CTNNA3: variants seen among roughly 807,000 people sequenced by gnomAD.
The protein encoded by CTNNA3 is catenin alpha-3.
In CTNNA3, 76 loss-of-function variants were observed where a neutral mutation model predicts 95.7. The observed-to-expected ratio is 0.79, with a 90% CI of 0.66 to 0.96. The LOEUF is 0.96. Among genes scored for constraint, CTNNA3 ranks in the 40% least tolerant of loss-of-function variants. The pLI, the probability that CTNNA3 is intolerant of heterozygous loss-of-function variation, is 0.00. For missense variants in CTNNA3, 1,191 were observed against 1,089.8 expected (o/e 1.09, Z -1.31); for synonymous variants, 431 against 374.4 (o/e 1.15, Z -1.74).
At chr10:67,124,788 CATA>C (rs1254747925) in intron 7 of CTNNA3, among the ~76,000 whole-genome samples, 1 of 152,184 alleles carries the variant, frequency 6.6e-6, no homozygotes, top group East Asian at 1.9e-4. Flanking sequence ...TTTTTCTTCA[CATA>C]ATGTCACAAA....
At chr10:66,465,114 A>T (rs2075905149) in intron 11 of CTNNA3, among the ~76,000 whole-genome samples, 1 of 152,150 alleles carries the variant, frequency 6.6e-6, no homozygotes, top group Non-Finnish European at 1.5e-5. Flanking sequence ...TACCACAAAT[A>T]AATTGCCTGT....
intron 3 of CTNNA3, among the ~76,000 whole-genome samples, chr10:67,604,819 G>A (rs1233824178): frequency 6.6e-6 from 1 of 152,238 alleles, no homozygotes; most frequent in Non-Finnish European, 1.5e-5. Flanking sequence ...CAAGGACAAA[G>A]AGAGGGTCTC....
Position 67,153,994 on chromosome 10 carries a change from T to C in CTNNA3, c.1047+26323A>G, listed in dbSNP as rs548295647. ...ACCTTTAAGGGAGAAAGGTAATTTC[T>C]TATAAAATATAATTATTTGTTAAAC... On this transcript the variant is annotated intron_variant, in intron 7 of 17. Transcript: ENST00000433211. Among the ~76,000 whole-genome samples, 5 of 152,210 alleles carry C rather than the reference T, an allele frequency of 3.3e-5. No individual in the cohort carries two copies. In the East Asian group the frequency reaches 9.7e-4, roughly 29 times the overall value.
intron 12 of CTNNA3, among the ~76,000 whole-genome samples, chr10:66,304,666 A>G (rs1188646940): frequency 6.6e-6 from 1 of 152,180 alleles, no homozygotes; most frequent in Non-Finnish European, 1.5e-5. Flanking sequence ...CCTACAATAC[A>G]ACAATATAAT....
chr10:67,575,716 A>G (rs143997234), intron 3 of CTNNA3, among the ~76,000 whole-genome samples: 38 of 152,282 alleles, frequency 2.5e-4, no homozygotes, highest in African/African-American at 9.1e-4. Context: ...TCCTCATATC[A>G]TATTCTAAAC....
intron 9 of CTNNA3, among the ~76,000 whole-genome samples, chr10:66,681,323 TG>T (rs1423678043): frequency 6.6e-6 from 1 of 152,156 alleles, no homozygotes; most frequent in Non-Finnish European, 1.5e-5. Context: ...TCAACTCACT[TG>T]GTCCTAAGTT....
chr10:67,188,877 A>C (rs941414096), intron 6 of CTNNA3, among the ~76,000 whole-genome samples: 9 of 152,100 alleles, frequency 5.9e-5, no homozygotes, highest in Non-Finnish European at 1.3e-4. Context: ...TGGGAGGCTG[A>C]GGTGGGTGGC....
At position 66,260,344 on chromosome 10, in the gene CTNNA3, C is replaced by G. The variant is rs144150442; in HGVS notation, c.1884+20126G>C. ...TCCCTAGTTGTCATTTATTGCCTGT[C>G]AACAGAATTCCTCTTTTCCTCCCTC... On this transcript the variant is annotated intron_variant, in intron 13 of 17. Transcript: ENST00000433211. 6.1e-3 allele frequency among the ~76,000 whole-genome samples: 925 copies of G among 152,192 alleles called. 11 individuals carry two copies. Among genetic ancestry groups the G allele is most frequent in the African/African-American group, 0.022 (894 of 41,550 alleles).
At chr10:66,865,286 T>C (rs909572491) in intron 7 of CTNNA3, among the ~76,000 whole-genome samples, 1 of 151,764 alleles carries the variant, frequency 6.6e-6, no homozygotes, top group Non-Finnish European at 1.5e-5. Context: ...CAGGCAAATT[T>C]TCATTGACCA....
At chr10:67,488,953 C>G (rs1428412492) in intron 5 of CTNNA3, among the ~76,000 whole-genome samples, 7 of 152,174 alleles carry the variant, frequency 4.6e-5, no homozygotes, top group African/African-American at 1.7e-4. Context: ...CCAGGCTGGT[C>G]TCGAACTCCT....
At chr10:67,492,870 C>G (rs1267049116) in intron 5 of CTNNA3, among the ~76,000 whole-genome samples, 7 of 152,172 alleles carry the variant, frequency 4.6e-5, no homozygotes, top group Non-Finnish European at 1.0e-4. Context: ...GCTGGCAGGG[C>G]TGTTGAGCTG....
At chr10:67,620,903 ATG>A (rs1244995621) in intron 2 of CTNNA3, among the ~76,000 whole-genome samples, 2,397 of 126,188 alleles carry the variant, frequency 0.019, 52 homozygotes, top group African/African-American at 0.062. Flanking sequence ...ATATATGTAT[ATG>A]TGTGTGTGTG....
At chr10:67,761,595 C>G (rs76136349) in intron 1 of CTNNA3, among the ~76,000 whole-genome samples, 1 of 152,016 alleles carries the variant, frequency 6.6e-6, no homozygotes. Context: ...AACAGAAACA[C>G]GAGCCGGGCG....
intron 9 of CTNNA3, among the ~76,000 whole-genome samples, chr10:66,688,057 G>A (rs1847368284): frequency 6.6e-6 from 1 of 152,096 alleles, no homozygotes; most frequent in South Asian, 2.1e-4. Context: ...ATATATGGTA[G>A]AATTAAAGTA....
chr10:66,507,715 T>C (rs1425701463), intron 11 of CTNNA3, among the ~76,000 whole-genome samples: 1 of 152,096 alleles, frequency 6.6e-6, no homozygotes, highest in East Asian at 1.9e-4. Context: ...GTTGTGTATA[T>C]ATATATATAT....
rs570625910 is a variant in CTNNA3 at position 67,595,452 on chromosome 10, C to T, written c.292+11405G>A. ...CATGTCATTGTATGGTTTTGAGAGA[C>T]CATCTTGGTATTTATTTCTATTTTT... On this transcript the variant is annotated intron_variant, in intron 3 of 17. Transcript: ENST00000433211. Among the ~76,000 whole-genome samples, 12 of 152,156 alleles carry T rather than the reference C, an allele frequency of 7.9e-5. No homozygotes were observed. In the South Asian group the frequency reaches 2.5e-3, roughly 32 times the overall value.
At chr10:67,731,593 G>C (rs1841274296) in intron 1 of CTNNA3, among the ~76,000 whole-genome samples, 1 of 152,022 alleles carries the variant, frequency 6.6e-6, no homozygotes, top group Non-Finnish European at 1.5e-5. Flanking sequence ...ATGAGGTCAG[G>C]AGATCGAGAC....
At chr10:66,011,177 T>C (rs1238318753) in intron 15 of CTNNA3, among the ~76,000 whole-genome samples, 2 of 152,192 alleles carry the variant, frequency 1.3e-5, no homozygotes, top group African/African-American at 4.8e-5. Flanking sequence ...TAGATGCCAC[T>C]CGCAATTCCC....
intron 11 of CTNNA3, among the ~76,000 whole-genome samples, chr10:66,499,113 G>A (rs1228514452): frequency 6.6e-6 from 1 of 152,000 alleles, no homozygotes; most frequent in Non-Finnish European, 1.5e-5. Context: ...CTAATCTGAT[G>A]TTTTGCTTGT....
Sources: gnomAD v4.1 joint callset for allele counts (sites outside exome capture counted in the v4.1 genomes callset) on GRCh38, gnomAD v4.1.1 for gene constraint, MANE v1.5 for transcripts, NCBI Gene and HGNC (gene_info 2026-07-23, HGNC 2026-07-21) for gene names.